CEBPZOS: variants seen among roughly 807,000 people sequenced by gnomAD.
CEBPZOS encodes the protein protein CEBPZOS.
Under a neutral mutation model 4.8 loss-of-function variants are expected in CEBPZOS, and 10 were observed. That is an observed-to-expected ratio of 2.07 (90% CI 1.28 to 3.52). The LOEUF (loss-of-function observed/expected upper bound fraction) is 3.52. Ranked by LOEUF, CEBPZOS falls within the 30% of genes most tolerant of loss-of-function variation. CEBPZOS has a pLI of 0.00. For synonymous variants in CEBPZOS, 25 were observed against 14.2 expected, an observed-to-expected ratio of 1.77 and a Z score of -1.72; for missense variants, 98 against 43.6, an observed-to-expected ratio of 2.25 and a Z score of -3.51.
chr2:37,206,444 G>T (rs764216543), downstream of CEBPZOS, among the ~76,000 whole-genome samples: 1 of 152,214 alleles, frequency 6.6e-6, no homozygotes, highest in Non-Finnish European at 1.5e-5. Context: ...TGCGACCTCT[G>T]CCTAATGGGT....
At chr2:37,210,642 G>A (rs963433382) in intron 4 of CEBPZOS, 25 of 166,816 alleles carry the variant, frequency 1.5e-4, no homozygotes, top group African/African-American at 5.5e-4. Context: ...AGGCAGTGGG[G>A]GATAAGAGTA....
chr2:37,197,504 CA>C (rs1208691155), intron 1 of CEBPZOS, among the ~76,000 whole-genome samples: 1 of 152,198 alleles, frequency 6.6e-6, no homozygotes, highest in Non-Finnish European at 1.5e-5. Flanking sequence ...TCTCTTAAAA[CA>C]AAATTTTACT....
chr2:37,206,873 G>A (rs1271684370), downstream of CEBPZOS, among the ~76,000 whole-genome samples: 2 of 152,048 alleles, frequency 1.3e-5, no homozygotes, highest in Non-Finnish European at 2.9e-5. Flanking sequence ...GATACATTTG[G>A]ACCACCAACC....
chr2:37,207,497 G>A (rs1677579033), downstream of CEBPZOS, among the ~76,000 whole-genome samples: 1 of 152,054 alleles, frequency 6.6e-6, no homozygotes, highest in Non-Finnish European at 1.5e-5. Context: ...AACTCCAAAA[G>A]GAACCCTCAA....
At chr2:37,207,010 A>G (rs756868174), downstream of CEBPZOS, among the ~76,000 whole-genome samples, 8 of 152,226 alleles carry the variant, frequency 5.3e-5, no homozygotes, top group Non-Finnish European at 7.3e-5. Context: ...CTATTCTTAT[A>G]TCAGACAAAA....
rs771586546 is a variant in CEBPZOS at position 37,202,019 on chromosome 2, AC to A, written c.*162del. ...AGCCTGCCTTGGCCTGTGGTTTCCC[AC>A]CCACTATACAAACCCACTGCTTGTT... On this transcript the variant is annotated 3_prime_UTR_variant, in exon 5 of 5. Transcript: ENST00000402297. 7 of 820,592 alleles carry A rather than the reference AC, an allele frequency of 8.5e-6. No individual in the cohort carries two copies. Among genetic ancestry groups the A allele is most frequent in the Non-Finnish European group, 1.3e-5 (7 of 527,432 alleles). The allele number at this position is 820,592 out of a possible 1,614,324, so 50.8% of individuals were successfully genotyped here.
At chr2:37,199,966 A>G (rs1677137681) in intron 2 of CEBPZOS, 147 bp downstream of exon 2, 1 of 602,408 alleles carries the variant, frequency 1.7e-6, no homozygotes, top group East Asian at 2.7e-5. Context: ...CAGGAATCAA[A>G]GTATTCATTA....
Position 37,202,811 on chromosome 2 carries a change from T to G in CEBPZOS, c.*951T>G. On this transcript the variant is annotated 3_prime_UTR_variant, in exon 5 of 5. Coordinates refer to ENST00000402297, the MANE Select transcript of CEBPZOS (RefSeq NM_001322374.2). ...GCATTATCTTTGTTAGCCATGGCAT[T>G]CATGCCAATGTTATCAAACTTGGAT... 6.3e-7 allele frequency: 1 copy of G among 1,593,936 alleles called. No homozygotes were observed. The highest frequency in any genetic ancestry group is 8.5e-7 in the Non-Finnish European group (1 of 1,170,388).
downstream of CEBPZOS, among the ~76,000 whole-genome samples, chr2:37,205,410 G>A (rs1001199992): frequency 1.3e-5 from 2 of 152,098 alleles, no homozygotes; most frequent in Admixed American, 1.3e-4. Context: ...TGGCTCAAAA[G>A]CTCCCCTACT....
intron 2 of CEBPZOS, among the ~76,000 whole-genome samples, chr2:37,200,335 G>T (rs937276794): frequency 6.6e-6 from 1 of 152,180 alleles, no homozygotes; most frequent in Non-Finnish European, 1.5e-5. Flanking sequence ...ATTAGGAAGT[G>T]ATTTTTCCCT....
chr2:37,213,356 A>G (rs1677786177), intron 4 of CEBPZOS: 1 of 153,316 alleles, frequency 6.5e-6, no homozygotes, highest in Non-Finnish European at 1.5e-5. Context: ...AGCACAAATC[A>G]TGTATTTTTC....
Position 37,202,875 on chromosome 2 carries a change from A to G in CEBPZOS, c.*1015A>G. 3.8e-6 allele frequency: 6 copies of G among 1,597,252 alleles called. No individual in the cohort carries two copies. The highest frequency in any genetic ancestry group is 5.1e-6 in the Non-Finnish European group (6 of 1,171,744). ...CCAATAGATGGCCAAACTTTTAAACAAAAACGATAAATTTATTAGAAAACT... is the reference window on the plus strand; with the variant it reads ...CCAATAGATGGCCAAACTTTTAAACGAAAACGATAAATTTATTAGAAAACT... On this transcript the variant is annotated 3_prime_UTR_variant, in exon 5 of 5. Coordinates refer to ENST00000402297, the MANE Select transcript of CEBPZOS (RefSeq NM_001322374.2).
chr2:37,203,134 C>T lies in CEBPZOS; in HGVS notation c.*1274C>T. On this transcript the variant is annotated 3_prime_UTR_variant, in exon 5 of 5. Transcript: ENST00000402297. ...AAACAATTGCAATAATCTTCTGGCA[C>T]CATTGGGTAGCTGGCATTTAAATAT... 1 of 573,004 alleles carries T rather than the reference C, an allele frequency of 1.7e-6. No homozygotes were observed. The highest frequency in any genetic ancestry group is 2.9e-6 in the Non-Finnish European group (1 of 339,440). The allele number at this position is 573,004 out of a possible 1,614,324, so 35.5% of individuals were successfully genotyped here.
chr2:37,208,591 A>G (rs554117186), downstream of CEBPZOS, among the ~76,000 whole-genome samples: 16 of 152,326 alleles, frequency 1.1e-4, no homozygotes, highest in South Asian at 6.2e-4. Flanking sequence ...AAAATCAAGC[A>G]TCCTTTATGA....
At chr2:37,211,673 A>T in intron 4 of CEBPZOS, 1 of 553,542 alleles carries the variant, frequency 1.8e-6, no homozygotes, top group Non-Finnish European at 3.1e-6. Context: ...AACACACAAT[A>T]AAAACCCTTC....
intron 4 of CEBPZOS, chr2:37,212,012 A>T: frequency 3.8e-6 from 6 of 1,592,192 alleles, no homozygotes; most frequent in Non-Finnish European, 5.1e-6. Context: ...TGTTATCCTT[A>T]GCTCCTTTTG....
intron 4 of CEBPZOS, chr2:37,212,553 A>G: frequency 1.7e-6 from 1 of 605,460 alleles, no homozygotes; most frequent in Non-Finnish European, 2.9e-6. Flanking sequence ...TTAATAATGT[A>G]TACAAACCTG....
chr2:37,206,603 G>A (rs74542501), downstream of CEBPZOS, among the ~76,000 whole-genome samples: 546 of 152,228 alleles, frequency 3.6e-3, 4 homozygotes, highest in African/African-American at 0.012. Flanking sequence ...GGTGATGCCC[G>A]CCTGGGCCTC....
Position 37,210,978 on chromosome 2 carries a change from A to G in CEBPZOS, c.*3-2459A>G, listed in dbSNP as rs752303203. ...TTCACATGGACACTGCTTTTAAAAG[A>G]TATTAAATGTATTTTCTTACCTTGA... On this transcript the variant is annotated intron_variant, in intron 4 of 4. Transcript: ENST00000397064. 1.1e-5 allele frequency: 17 copies of G among 1,554,744 alleles called. No individual in the cohort carries two copies. In the East Asian group the frequency reaches 3.8e-4, roughly 35 times the overall value.
Sources: allele counts gnomAD v4.1 joint callset (sites outside exome capture counted in the v4.1 genomes callset), GRCh38; gene constraint gnomAD v4.1.1; transcripts MANE v1.5; gene names NCBI Gene and HGNC (gene_info 2026-07-23, HGNC 2026-07-21).